MELK: variants seen among roughly 807,000 people sequenced by gnomAD.
MELK encodes maternal embryonic leucine zipper kinase.
A neutral mutation model predicts 85.0 loss-of-function variants in MELK; 81 were observed. The ratio of observed to expected loss-of-function variants is 0.95; its 90% confidence interval spans 0.80 to 1.15. The LOEUF is 1.15. Ranked by LOEUF, MELK falls within the 50% of genes most tolerant of loss-of-function variation. The pLI is 0.00. For missense variants in MELK, 754 were observed against 777.5 expected, an observed-to-expected ratio of 0.97 and a Z score of 0.36; for synonymous variants, 252 against 265.0, an observed-to-expected ratio of 0.95 and a Z score of 0.48.
At chr9:36,642,431 T>C in intron 10 of MELK, among the ~76,000 whole-genome samples, 1 of 141,230 alleles carries the variant, frequency 7.1e-6, no homozygotes, top group East Asian at 2.0e-4. Flanking sequence ...TTTTTTTTTT[T>C]TTTTTTTTTT....
chr9:36,672,330 TA>T (rs1223545881), intron 16 of MELK, among the ~76,000 whole-genome samples: 1 of 152,140 alleles, frequency 6.6e-6, no homozygotes, highest in East Asian at 1.9e-4. Context: ...CACTGAGATT[TA>T]AAAAAACCAT....
chr9:36,636,783 T>TCTTTCTTTCTGG (rs1829228720), intron 10 of MELK, among the ~76,000 whole-genome samples: 1 of 32,854 alleles, frequency 3.0e-5, no homozygotes, highest in South Asian at 9.1e-4. Flanking sequence ...TTTCTTTCTT[T>TCTTTCTTTCTGG]CTGTCTGTCT....
intron 8 of MELK, among the ~76,000 whole-genome samples, chr9:36,619,117 C>T (rs1011203979): frequency 1.3e-5 from 2 of 152,104 alleles, no homozygotes; most frequent in Non-Finnish European, 2.9e-5. Flanking sequence ...TACCACTACA[C>T]CTGGCTAATT....
chr9:36,580,263 T>C (rs1822085841), intron 1 of MELK, among the ~76,000 whole-genome samples: 1 of 151,992 alleles, frequency 6.6e-6, no homozygotes, highest in Non-Finnish European at 1.5e-5. Context: ...TTCCTGACCT[T>C]GTGATCCACC....
intron 1 of MELK, among the ~76,000 whole-genome samples, chr9:36,573,549 A>T (rs1821306266): frequency 6.6e-6 from 1 of 152,090 alleles, no homozygotes; most frequent in Non-Finnish European, 1.5e-5. Flanking sequence ...CTTGTTGCCC[A>T]GGCTGGAGTG....
At chr9:36,674,804 A>G (rs769925540) in intron 16 of MELK, 30 bp from the exon 17 acceptor site, 6 of 1,361,532 alleles carry the variant, frequency 4.4e-6, no homozygotes, top group Non-Finnish European at 6.2e-6. Flanking sequence ...GTAAAAATTT[A>G]CTTCTCATCT....
intron 11 of MELK, among the ~76,000 whole-genome samples, chr9:36,651,346 CAT>C (rs1830679907): frequency 6.6e-6 from 1 of 152,184 alleles, no homozygotes; most frequent in African/African-American, 2.4e-5. Flanking sequence ...CTTAGCTAAA[CAT>C]TGTGATAAAA....
chr9:36,642,539 G>T (rs538952307), intron 10 of MELK, among the ~76,000 whole-genome samples: 1 of 142,442 alleles, frequency 7.0e-6, no homozygotes, highest in Non-Finnish European at 1.5e-5. Flanking sequence ...AGTGATTCTT[G>T]TGCCACAGCC....
At chr9:36,574,341 TG>T (rs1364215876) in intron 1 of MELK, among the ~76,000 whole-genome samples, 1 of 146,888 alleles carries the variant, frequency 6.8e-6, no homozygotes, top group Non-Finnish European at 1.5e-5. Context: ...TCCCAGCACT[TG>T]GGGAGGCCGA....
intron 11 of MELK, among the ~76,000 whole-genome samples, chr9:36,647,437 A>G (rs929588860): frequency 6.6e-6 from 1 of 151,924 alleles, no homozygotes; most frequent in African/African-American, 2.4e-5. Flanking sequence ...CCACCCCACC[A>G]TAGTTTCCCA....
At chr9:36,674,480 T>C (rs1394354918) in intron 16 of MELK, among the ~76,000 whole-genome samples, 1 of 152,188 alleles carries the variant, frequency 6.6e-6, no homozygotes, top group Non-Finnish European at 1.5e-5. Flanking sequence ...GGTATACATT[T>C]CAGGACTGTT....
intron 4 of MELK, among the ~76,000 whole-genome samples, chr9:36,590,591 C>A (rs6476565): frequency 0.23 from 34,404 of 152,050 alleles, 6,321 homozygotes; most frequent in African/African-American, 0.51. Context: ...AGTTCAACCC[C>A]CAGCACTGGG....
At chr9:36,580,620 G>A (rs1473897878) in intron 1 of MELK, among the ~76,000 whole-genome samples, 2 of 149,704 alleles carry the variant, frequency 1.3e-5, no homozygotes, top group East Asian at 2.0e-4. Flanking sequence ...GCCCAGCTTC[G>A]TGTCTTTTTT....
At chr9:36,603,697 G>A (rs1464740525) in intron 7 of MELK, among the ~76,000 whole-genome samples, 1 of 152,134 alleles carries the variant, frequency 6.6e-6, no homozygotes, top group Non-Finnish European at 1.5e-5. Flanking sequence ...GCCTCCCAAA[G>A]TGCTGGGAGC....
intron 8 of MELK, among the ~76,000 whole-genome samples, chr9:36,628,115 G>A (rs530093204): frequency 6.6e-6 from 1 of 150,790 alleles, no homozygotes; most frequent in African/African-American, 2.4e-5. Flanking sequence ...TGGTCAGGCT[G>A]GTCTCAAACT....
In MELK at chr9:36,651,863, T is replaced by C. The variant is rs1830732382; in HGVS notation, c.1039T>C (p.Phe347Leu). The change falls in exon 12 of 18, where the codon TTC (phenylalanine) becomes CTC (leucine). Residue 347 changes from phenylalanine to leucine, a missense_variant. Transcript: ENST00000298048. ...FSCGQASATP[F>L]TDIKSNNWSL... Reference sequence around the variant, plus strand: ...CTGTGGACAAGCCAGTGCTACCCCATTCACAGACATCAAGGTAAGTGTTAC... The same window carrying C: ...CTGTGGACAAGCCAGTGCTACCCCACTCACAGACATCAAGGTAAGTGTTAC... 6.2e-7 allele frequency: 1 copy of C among 1,613,330 alleles called. No individual in the cohort carries two copies. The highest frequency in any genetic ancestry group is 1.3e-5 in the African/African-American group (1 of 74,864).
At chr9:36,579,418 T>C (rs930366398) in intron 1 of MELK, among the ~76,000 whole-genome samples, 16 of 152,256 alleles carry the variant, frequency 1.1e-4, no homozygotes, top group Non-Finnish European at 1.9e-4. Context: ...CACCCTGGCC[T>C]CCCAAAGTGC....
chr9:36,613,182 T>A (rs1826219036), intron 8 of MELK, among the ~76,000 whole-genome samples: 1 of 152,262 alleles, frequency 6.6e-6, no homozygotes, highest in Non-Finnish European at 1.5e-5. Flanking sequence ...CATTTGTACT[T>A]ACCCTTTCAC....
intron 10 of MELK, among the ~76,000 whole-genome samples, chr9:36,640,505 G>A (rs1829660170): frequency 6.6e-6 from 1 of 152,088 alleles, no homozygotes; most frequent in Non-Finnish European, 1.5e-5. Flanking sequence ...GGAGTGCAGT[G>A]GCTTGATCAT....
Sources: gnomAD v4.1 joint callset for allele counts (sites outside exome capture counted in the v4.1 genomes callset) on GRCh38, gnomAD v4.1.1 for gene constraint, MANE v1.5 for transcripts, NCBI Gene and HGNC (gene_info 2026-07-23, HGNC 2026-07-21) for gene names.